Variants in PRKD3 observed in about 807,000 individuals in gnomAD.
PRKD3 encodes the protein protein kinase D3, also known as serine/threonine-protein kinase D3.
PRKD3 carries 47 observed loss-of-function variants against 99.2 expected under a neutral mutation model. That is an observed-to-expected ratio of 0.47 (90% CI 0.38 to 0.60). PRKD3 has a LOEUF of 0.60. PRKD3 is among the 20% of genes least tolerant of loss of function. PRKD3 has a pLI of 0.00. For synonymous variants in PRKD3, 392 were observed against 355.4 expected, an observed-to-expected ratio of 1.10 and a Z score of -1.16; for missense variants, 1,019 against 1,088.4, an observed-to-expected ratio of 0.94 and a Z score of 0.90.
At chr2:37,268,452 T>TA in intron 13 of PRKD3, 1 of 433,308 alleles carries the variant, frequency 2.3e-6, no homozygotes, top group Non-Finnish European at 4.7e-6. Context: ...GTCACAATAC[T>TA]AGGTGCTAGG....
chr2:37,302,875 G>A (rs949209422), intron 2 of PRKD3, among the ~76,000 whole-genome samples: 12 of 152,074 alleles, frequency 7.9e-5, no homozygotes, highest in African/African-American at 1.2e-4. Flanking sequence ...GGGTCCTGGC[G>A]AAACCCCACC....
Position 37,256,846 on chromosome 2 carries a change from T to C in PRKD3, c.2229A>G (p.Leu743=), listed in dbSNP as rs774704656. 9 of 1,614,052 alleles carry C rather than the reference T, an allele frequency of 5.6e-6. No homozygotes were observed. The highest frequency in any genetic ancestry group is 7.6e-6 in the Non-Finnish European group (9 of 1,179,956). The change falls in exon 17 of 19, where the codon TTA becomes TTG. Residue 743 remains leucine, a synonymous_variant. Transcript: ENST00000234179. ...RRSVVGTPAY[L]APEVLRSKGY... is the part of the protein sequence containing the mutation. The stretch of plus-strand genomic sequence containing the variant: ...CTTTGCTCCGGAGAACTTCAGGGGC[T>C]AAGTATGCTGGAGTTCCTACCACAG...
At chr2:37,289,602 T>A in intron 4 of PRKD3, 89 bp from the exon 5 acceptor site, 1 of 1,128,668 alleles carries the variant, frequency 8.9e-7, no homozygotes, top group Non-Finnish European at 1.2e-6. Flanking sequence ...TTCTTTTATT[T>A]AACATATTTT....
In PRKD3 at chr2:37,259,642, C is replaced by CA. The variant is rs1207493523; in HGVS notation, c.2085dup (p.Val696CysfsTer4). On this transcript the variant is annotated frameshift_variant, in exon 16 of 19. Coordinates refer to ENST00000234179, the MANE Select transcript of PRKD3 (RefSeq NM_005813.6). LOFTEE classifies it high-confidence loss of function. ...TTTTCTGGCTTTAAATCACAGTGCACAATATTCTTAAAATGCAGATTCCTC... is the reference window on the plus strand; with the variant it reads ...TTTTCTGGCTTTAAATCACAGTGCACAAATATTCTTAAAATGCAGATTCCTC... 1 of 1,613,254 alleles carries CA rather than the reference C, an allele frequency of 6.2e-7. No individual in the cohort carries two copies. Among genetic ancestry groups the CA allele is most frequent in the Non-Finnish European group, 8.5e-7 (1 of 1,179,430 alleles).
intron 8 of PRKD3, chr2:37,278,250 C>G: frequency 4.3e-6 from 1 of 231,622 alleles, no homozygotes; most frequent in South Asian, 6.1e-5. Context: ...AAACAATGAG[C>G]GGAATAGAAA....
chr2:37,258,814 CCTAT>C (rs1335275352), intron 16 of PRKD3, among the ~76,000 whole-genome samples: 1 of 152,110 alleles, frequency 6.6e-6, no homozygotes, highest in East Asian at 1.9e-4. Flanking sequence ...AGTGAAAACA[CCTAT>C]CTGTTGTCCT....
chr2:37,263,607 G>A (rs114501548), intron 14 of PRKD3, among the ~76,000 whole-genome samples: 3,445 of 152,170 alleles, frequency 0.023, 58 homozygotes, highest in South Asian at 0.041. Flanking sequence ...TGTTAAAGTG[G>A]CCTTCTTTCA....
Position 37,253,395 on chromosome 2 carries a change from T to C in PRKD3, c.2500-45A>G, listed in dbSNP as rs750695049. 102 of 1,520,030 alleles carry C rather than the reference T, an allele frequency of 6.7e-5. 2 individuals carry two copies. The highest frequency in any genetic ancestry group is 4.8e-4 in the Admixed American group (25 of 51,870). The allele number at this position is 1,520,030 out of a possible 1,614,324, so 94.2% of individuals were successfully genotyped here. On this transcript the variant is annotated intron_variant, in intron 18 of 18. Transcript: ENST00000234179. ...TAATGATGAAACAAAAGAAACAAAA[T>C]ACTGTCAACCTGGTTTTTGTTTTGT...
At chr2:37,312,233 A>G (rs1671457702) in intron 2 of PRKD3, among the ~76,000 whole-genome samples, 1 of 152,232 alleles carries the variant, frequency 6.6e-6, no homozygotes, top group Non-Finnish European at 1.5e-5. Context: ...ATAGCAATAA[A>G]GCCTGCATTT....
At chr2:37,315,624 C>T (rs1490784660) in intron 2 of PRKD3, among the ~76,000 whole-genome samples, 1 of 152,168 alleles carries the variant, frequency 6.6e-6, no homozygotes, top group African/African-American at 2.4e-5. Context: ...TCTCTGAAAA[C>T]AAATGAGATT....
At position 37,269,630 on chromosome 2, in the gene PRKD3, C is replaced by G; in HGVS notation, c.1762G>C (p.Gly588Arg). 6.2e-7 allele frequency: 1 copy of G among 1,612,590 alleles called. No homozygotes were observed. The stretch of plus-strand genomic sequence containing the variant: ...AGTTGCTTACCTCCATAAACGATGC[C>G]AAACTGGCCTGAACCAAGCACCTCA... ...ADEVLGSGQF[G>R]IVYGGKHRKT... The change falls in exon 13 of 19, where the codon GGC becomes CGC. Residue 588 changes from glycine to arginine, a missense_variant. Gly to Arg is a moderately radical substitution (Grantham distance 125, BLOSUM62 -2). Around this residue, in one of 3 missense-constraint regions of PRKD3, gnomAD observed 184 missense variants for 275.1 expected, o/e 0.67. Transcript: ENST00000234179.
chr2:37,286,396 G>T (rs749225091), intron 5 of PRKD3, 27 bp from the exon 6 acceptor site: 4 of 1,586,244 alleles, frequency 2.5e-6, no homozygotes, highest in African/African-American at 2.7e-5. Flanking sequence ...TTTCATAAGT[G>T]TAAGTCAATA....
intron 2 of PRKD3, among the ~76,000 whole-genome samples, chr2:37,296,787 C>G (rs1045095976): frequency 6.6e-6 from 1 of 151,118 alleles, no homozygotes; most frequent in East Asian, 2.0e-4. Flanking sequence ...GTAGTCCCAG[C>G]TACTCCGGAG....
intron 12 of PRKD3, among the ~76,000 whole-genome samples, chr2:37,271,681 G>A (rs182437770): frequency 2.0e-5 from 3 of 152,322 alleles, no homozygotes; most frequent in East Asian, 3.9e-4. Flanking sequence ...AACTGTGCAT[G>A]CGAGGGATCT....
chr2:37,298,861 C>A (rs1054082385), intron 2 of PRKD3, among the ~76,000 whole-genome samples: 1 of 151,976 alleles, frequency 6.6e-6, no homozygotes, highest in Non-Finnish European at 1.5e-5. Flanking sequence ...AAGATCATAT[C>A]GTCTGCAAAA....
intron 17 of PRKD3, among the ~76,000 whole-genome samples, 165 bp downstream of exon 17, chr2:37,256,494 AAAG>A (rs1216192039): frequency 2.0e-5 from 3 of 152,162 alleles, no homozygotes; most frequent in Non-Finnish European, 4.4e-5. Flanking sequence ...AAAAGTATAA[AAAG>A]AAGAGTGCTC....
intron 2 of PRKD3, among the ~76,000 whole-genome samples, chr2:37,294,333 T>G (rs1670582572): frequency 1.3e-5 from 2 of 152,076 alleles, no homozygotes; most frequent in Non-Finnish European, 2.9e-5. Context: ...TAGACTCAAG[T>G]GATTCCCCCA....
chr2:37,304,196 T>TAAAAA (rs70949750), intron 2 of PRKD3, among the ~76,000 whole-genome samples: 34 of 93,952 alleles, frequency 3.6e-4, no homozygotes, highest in Admixed American at 4.8e-4. Flanking sequence ...AGGTACTTAC[T>TAAAAA]AAAAAAAAAA....
At chr2:37,287,376 CTTT>C (rs557974770) in intron 5 of PRKD3, among the ~76,000 whole-genome samples, 3 of 150,710 alleles carry the variant, frequency 2.0e-5, no homozygotes, top group African/African-American at 7.4e-5. Flanking sequence ...CTTTTCTTCC[CTTT>C]TTTTTCTTTT....
Sources: allele counts gnomAD v4.1 joint callset (sites outside exome capture counted in the v4.1 genomes callset), GRCh38; gene constraint gnomAD v4.1.1; regional missense constraint gnomAD v4.1.1; transcripts MANE v1.5; gene names NCBI Gene and HGNC (gene_info 2026-07-23, HGNC 2026-07-21).